Variants in GNPDA2 observed in about 807,000 individuals in gnomAD.
GNPDA2 encodes glucosamine-6-phosphate deaminase 2.
A neutral mutation model predicts 27.0 loss-of-function variants in GNPDA2; 24 were observed. The ratio of observed to expected loss-of-function variants is 0.89; its 90% CI spans 0.64 to 1.25. The LOEUF is 1.25. GNPDA2 is among the 50% of genes most tolerant of loss of function. The pLI is 0.00. For missense variants in GNPDA2, 286 were observed against 335.1 expected, an observed-to-expected ratio of 0.85 and a Z score of 1.14; for synonymous variants, 94 against 108.4, an observed-to-expected ratio of 0.87 and a Z score of 0.83.
chr4:44,721,834 C>T (rs1230330928), intron 2 of GNPDA2, among the ~76,000 whole-genome samples: 1 of 152,052 alleles, frequency 6.6e-6, no homozygotes, highest in African/African-American at 2.4e-5. Flanking sequence ...ATGAACAACA[C>T]TTAAGTTACA....
intron 5 of GNPDA2, among the ~76,000 whole-genome samples, chr4:44,709,293 T>C (rs1716818038): frequency 6.6e-6 from 1 of 152,138 alleles, no homozygotes; most frequent in African/African-American, 2.4e-5. Context: ...TCATTATTGG[T>C]GTTTATCTAT....
chr4:44,703,258 GAT>G, intron 6 of GNPDA2, 116 bp from the exon 7 acceptor site: 1 of 1,429,746 alleles, frequency 7.0e-7, no homozygotes, highest in Non-Finnish European at 9.1e-7. Context: ...TTCCCATCTT[GAT>G]ATAGTCAAGT....
chr4:44,704,226 T>G, intron 6 of GNPDA2: 1 of 984,666 alleles, frequency 1.0e-6, no homozygotes, highest in Non-Finnish European at 1.2e-6. Flanking sequence ...GTCCTGCAAC[T>G]GCTCAACAGC....
intron 5 of GNPDA2, among the ~76,000 whole-genome samples, chr4:44,709,252 TGGAAG>T (rs368440004): frequency 7.9e-5 from 12 of 151,976 alleles, no homozygotes; most frequent in African/African-American, 2.7e-4. Flanking sequence ...AGGAGGCTGC[TGGAAG>T]GGAAGCTTAG....
intron 6 of GNPDA2, chr4:44,703,515 A>C: frequency 1.0e-6 from 1 of 999,910 alleles, no homozygotes; most frequent in Non-Finnish European, 1.2e-6. Flanking sequence ...CAGTTCCTCT[A>C]CTAGACTCCA....
chr4:44,717,488 ACAT>A (rs1212209231), intron 3 of GNPDA2, among the ~76,000 whole-genome samples, 193 bp from the exon 4 acceptor site: 1 of 151,846 alleles, frequency 6.6e-6, no homozygotes, highest in Non-Finnish European at 1.5e-5. Context: ...AATTGATAAA[ACAT>A]CTATGGAACA....
chr4:44,712,715 A>G (rs1347138671), intron 4 of GNPDA2, among the ~76,000 whole-genome samples: 1 of 152,130 alleles, frequency 6.6e-6, no homozygotes, highest in Non-Finnish European at 1.5e-5. Flanking sequence ...ACTACTACTG[A>G]CCTCACTGAT....
chr4:44,720,996 C>A (rs763270896), intron 2 of GNPDA2, among the ~76,000 whole-genome samples: 3 of 151,964 alleles, frequency 2.0e-5, no homozygotes, highest in Middle Eastern at 3.4e-3. Context: ...CCACGTTCAA[C>A]CCCAAGGGGT....
Position 44,707,749 on chromosome 4 carries a change from C to G in GNPDA2, c.769+3G>C. The G allele has an allele frequency of 6.2e-7, 1 of 1,610,528 alleles. No homozygotes were observed. The highest frequency in any genetic ancestry group is 1.1e-5 in the South Asian group (1 of 90,748). ...CAGTCGGCTTTTGAAATTCAGTGCT[C>G]ACCTTTAAAGTATTTCACAGTTTTA... On this transcript the variant is annotated splice_donor_region_variant and intron_variant, in intron 6 of 6. Transcript: ENST00000295448.
Position 44,702,050 on chromosome 4 carries a change from G to A in GNPDA2, c.*1031C>T. The stretch of plus-strand genomic sequence containing the variant: ...CATCTTTTAACCTAACTCTCCTAAT[G>A]CATGATGGTAACAAACCCAAAATGA... On this transcript the variant is annotated 3_prime_UTR_variant, in exon 7 of 7. Transcript: ENST00000295448. 5 of 985,574 alleles carry A rather than the reference G, an allele frequency of 5.1e-6. No homozygotes were observed. The South Asian group carries it at 2.3e-4, about 46-fold the overall frequency. 61.1% of individuals were successfully genotyped at this position (985,574 alleles called of 1,614,324 possible).
intron 4 of GNPDA2, among the ~76,000 whole-genome samples, chr4:44,712,217 A>G (rs182727901): frequency 1.1e-4 from 16 of 152,236 alleles, no homozygotes; most frequent in South Asian, 4.1e-4. Flanking sequence ...ACCTCAGCCA[A>G]AAAATAAATC....
At chr4:44,715,112 C>T (rs1346521997) in intron 4 of GNPDA2, among the ~76,000 whole-genome samples, 1 of 151,774 alleles carries the variant, frequency 6.6e-6, no homozygotes, top group Non-Finnish European at 1.5e-5. Flanking sequence ...GAAACATAAC[C>T]CCCTCCCAAA....
intron 4 of GNPDA2, among the ~76,000 whole-genome samples, chr4:44,713,578 A>T (rs541958030): frequency 6.6e-6 from 1 of 152,250 alleles, no homozygotes; most frequent in Non-Finnish European, 1.5e-5. Flanking sequence ...TTTTATTTTT[A>T]CTTTTTAAAA....
At chr4:44,712,718 TCA>T (rs1429587608) in intron 4 of GNPDA2, among the ~76,000 whole-genome samples, 1 of 152,130 alleles carries the variant, frequency 6.6e-6, no homozygotes, top group African/African-American at 2.4e-5. Flanking sequence ...ACTACTGACC[TCA>T]CTGATGATTT....
In GNPDA2 at chr4:44,702,376, A is replaced by G. The variant is rs1392666329; in HGVS notation, c.*705T>C. 1.1e-6 allele frequency: 1 copy of G among 948,496 alleles called. No individual in the cohort carries two copies. The highest frequency in any genetic ancestry group is 1.3e-6 in the Non-Finnish European group (1 of 796,100). The allele number at this position is 948,496 out of a possible 1,614,324, so 58.8% of individuals were successfully genotyped here. On this transcript the variant is annotated 3_prime_UTR_variant, in exon 7 of 7. Transcript: ENST00000295448. ...AAGTGGCTTGCTAGGTATAAAGCTC[A>G]TAATTGTCAAGATACTTATATTAGG... is the stretch of plus-strand genomic sequence containing the variant.
intron 4 of GNPDA2, among the ~76,000 whole-genome samples, chr4:44,715,688 T>C (rs1390848942): frequency 3.9e-5 from 6 of 152,050 alleles, no homozygotes; most frequent in African/African-American, 1.4e-4. Context: ...TATGCAAATG[T>C]TCTCTAGGAT....
Position 44,717,241 on chromosome 4 carries a change from A to C in GNPDA2, c.281T>G (p.Phe94Cys), listed in dbSNP as rs756631954. ...SYHSYMWNNF[F>C]KHIDIDPNNA... is the part of the protein sequence containing the mutation. The stretch of plus-strand genomic sequence containing the variant: ...ATTAGGATCTATATCGATATGCTTA[A>C]AAAAATTATTCCACATATAAGAATG... The change falls in exon 4 of 7, where the codon TTT becomes TGT. Residue 94 changes from phenylalanine to cysteine, a missense_variant. Transcript: ENST00000295448. 6.4e-7 allele frequency: 1 copy of C among 1,562,710 alleles called. No homozygotes were observed. Among genetic ancestry groups the C allele is most frequent in the East Asian group, 2.3e-5 (1 of 43,634 alleles).
intron 3 of GNPDA2, among the ~76,000 whole-genome samples, chr4:44,717,623 T>C (rs563365986): frequency 6.6e-6 from 1 of 151,994 alleles, no homozygotes; most frequent in African/African-American, 2.4e-5. Flanking sequence ...TTAGTAACTA[T>C]ACTCTTCTCA....
intron 6 of GNPDA2, chr4:44,707,398 A>C (rs1378171586): frequency 1.0e-4 from 29 of 287,866 alleles, no homozygotes; most frequent in Non-Finnish European, 1.7e-4. Context: ...AGAGGGATTG[A>C]GGTGGGACTA....
Sources: gnomAD v4.1 joint callset for allele counts (sites outside exome capture counted in the v4.1 genomes callset) on GRCh38, gnomAD v4.1.1 for gene constraint, MANE v1.5 for transcripts, NCBI Gene and HGNC (gene_info 2026-07-23, HGNC 2026-07-21) for gene names.